Variants in ATRX observed in about 807,000 individuals in gnomAD.
The protein encoded by ATRX is chromatin remodeler ATRX.
A neutral mutation model predicts 172.6 loss-of-function variants in ATRX; 12 were observed. That is an observed-to-expected ratio of 0.07 (90% CI 0.04 to 0.11). The LOEUF (loss-of-function observed/expected upper bound fraction) is 0.11. Ranked by LOEUF, ATRX falls within the 10% of genes least tolerant of loss-of-function variation. The pLI, the probability that ATRX is intolerant of heterozygous loss-of-function variation, is 1.00. For synonymous variants in ATRX, 674 were observed against 594.7 expected (o/e 1.13, Z -1.94); for missense variants, 1,368 against 1,767.4 (o/e 0.77, Z 4.05).
chrX:77,669,128 G>GA (rs2070413829), intron 10 of ATRX, among the ~76,000 whole-genome samples: 1 of 111,338 alleles, frequency 9.0e-6, no homozygotes, highest in Non-Finnish European at 1.9e-5. Flanking sequence ...TACAGATGAG[G>GA]AAACAGGCTT....
chrX:77,754,117 G>T (rs2075401291), intron 1 of ATRX, among the ~76,000 whole-genome samples: 1 of 110,736 alleles, frequency 9.0e-6, no homozygotes, highest in Non-Finnish European at 1.9e-5. Flanking sequence ...TTTGAACTTT[G>T]TTGGTTTAAA....
chrX:77,583,252 G>A, intron 27 of ATRX, among the ~76,000 whole-genome samples: 2 of 111,562 alleles, frequency 1.8e-5, no homozygotes, highest in Non-Finnish European at 3.8e-5. Context: ...GCCGGGGTGT[G>A]GTGGCTCACG....
At chrX:77,701,263 G>C (rs1331397023) in intron 2 of ATRX, among the ~76,000 whole-genome samples, 1 of 111,142 alleles carries the variant, frequency 9.0e-6, no homozygotes, top group African/African-American at 3.3e-5. Flanking sequence ...TGTAATCCTA[G>C]CACTTTGGGA....
At chrX:77,688,353 T>C (rs1235129295) in intron 7 of ATRX, among the ~76,000 whole-genome samples, 1 of 112,321 alleles carries the variant, frequency 8.9e-6, no homozygotes, top group African/African-American at 3.2e-5. Flanking sequence ...CATCTCCAAG[T>C]TATGTCAAAA....
At chrX:77,749,919 C>A (rs1339398345) in intron 1 of ATRX, among the ~76,000 whole-genome samples, 3 of 110,031 alleles carry the variant, frequency 2.7e-5, no homozygotes, top group Non-Finnish European at 3.8e-5. Context: ...ATCATCAGGA[C>A]GTGATGATTC....
intron 1 of ATRX, among the ~76,000 whole-genome samples, chrX:77,752,736 T>C (rs1327971952): frequency 8.9e-6 from 1 of 112,261 alleles, no homozygotes; most frequent in Non-Finnish European, 1.9e-5. Context: ...ATGTGGTTCT[T>C]GTCACTGGTT....
At chrX:77,746,569 C>T (rs1211385814) in intron 1 of ATRX, among the ~76,000 whole-genome samples, 1 of 111,630 alleles carries the variant, frequency 9.0e-6, no homozygotes, top group Non-Finnish European at 1.9e-5. Flanking sequence ...AATTAGTACA[C>T]ACTCTCAAAA....
intron 19 of ATRX, among the ~76,000 whole-genome samples, chrX:77,625,764 C>T (rs1437605042): frequency 9.1e-6 from 1 of 109,669 alleles, no homozygotes; most frequent in Non-Finnish European, 1.9e-5. Context: ...ATGCAGCAAT[C>T]AGGGAACACT....
chrX:77,697,108 A>G (rs1168598557), intron 4 of ATRX, among the ~76,000 whole-genome samples: 3 of 112,205 alleles, frequency 2.7e-5, no homozygotes, highest in Non-Finnish European at 5.6e-5. Context: ...TTATGTTAGA[A>G]AAGTTTCAGT....
intron 19 of ATRX, among the ~76,000 whole-genome samples, chrX:77,627,008 G>A (rs184841128): frequency 9.0e-6 from 1 of 111,187 alleles, no homozygotes; most frequent in East Asian, 2.8e-4. Context: ...GGCGGATCAC[G>A]AGGTCAGGAG....
chrX:77,649,924 A>G (rs2069126267), intron 15 of ATRX, among the ~76,000 whole-genome samples: 1 of 112,098 alleles, frequency 8.9e-6, no homozygotes, highest in Admixed American at 9.5e-5. Flanking sequence ...ACTTGGGGAT[A>G]AATTTTTTAA....
At chrX:77,625,006 A>G (rs1280762397) in intron 19 of ATRX, among the ~76,000 whole-genome samples, 2 of 112,277 alleles carry the variant, frequency 1.8e-5, no homozygotes, top group Admixed American at 9.4e-5. Context: ...TGTAAAGGCC[A>G]CAGTCACCAA....
rs2071469895 is a variant in ATRX at position 77,684,921 on chromosome X, C to T, written c.662+18G>A. The T allele has an allele frequency of 1.3e-5, 15 of 1,169,850 alleles. No homozygotes were observed. The highest frequency in any genetic ancestry group is 1.6e-5 in the Non-Finnish European group (14 of 857,564). On this transcript the variant is annotated intron_variant, in intron 8 of 34. Coordinates refer to ENST00000373344, the MANE Select transcript of ATRX (RefSeq NM_000489.6). The stretch of plus-strand genomic sequence containing the variant: ...AAAAGTAGGAAACACTGAATGTTAG[C>T]TCATCTATATTACCTACCTACATTG...
chrX:77,761,733 C>G (rs1297889640), intron 1 of ATRX, among the ~76,000 whole-genome samples: 1 of 111,109 alleles, frequency 9.0e-6, no homozygotes, highest in Non-Finnish European at 1.9e-5. Flanking sequence ...AGTGTTCATG[C>G]TGTACATTAG....
chrX:77,526,362 T>G (rs1243142968), intron 30 of ATRX, among the ~76,000 whole-genome samples: 1 of 112,076 alleles, frequency 8.9e-6, no homozygotes, highest in Non-Finnish European at 1.9e-5. Flanking sequence ...TTGCCCAGGC[T>G]GGAATACAGT....
At chrX:77,600,766 T>C in intron 22 of ATRX, 2 of 363,143 alleles carry the variant, frequency 5.5e-6, no homozygotes, top group Non-Finnish European at 9.4e-6. Context: ...TATCAAAATA[T>C]TAAAGAATTT....
rs182049024 is a variant in ATRX at position 77,668,973 on chromosome X, T to G, written c.3810-4195A>C. ...AAGTAAACCACCTCTTGCTGATAGG[T>G]AAATCAATAATTCGAAATGTTGAGT... On this transcript the variant is annotated intron_variant, in intron 10 of 34. Transcript: ENST00000373344. 2.7e-5 allele frequency among the ~76,000 whole-genome samples: 3 copies of G among 111,562 alleles called. No homozygotes were observed. The East Asian group carries it at 8.5e-4, about 32-fold the overall frequency.
At chrX:77,657,025 A>T (rs782424688) in intron 12 of ATRX, among the ~76,000 whole-genome samples, 1 of 111,869 alleles carries the variant, frequency 8.9e-6, no homozygotes, top group Non-Finnish European at 1.9e-5. Context: ...AGATGGAGTA[A>T]GATTACAGAT....
chrX:77,590,527 G>A (rs782656412), intron 26 of ATRX, among the ~76,000 whole-genome samples: 2 of 106,883 alleles, frequency 1.9e-5, no homozygotes, highest in East Asian at 5.9e-4. Flanking sequence ...TAGGAGAATG[G>A]CGTGAACCCA....
Sources: allele counts gnomAD v4.1 joint callset (sites outside exome capture counted in the v4.1 genomes callset), GRCh38; gene constraint gnomAD v4.1.1; transcripts MANE v1.5; gene names NCBI Gene and HGNC (gene_info 2026-07-23, HGNC 2026-07-21).